The following CASP1 variants were observed in gnomAD, a reference collection of about 807,000 sequenced individuals.
CASP1 encodes the protein caspase-1.
A neutral mutation model predicts 41.2 loss-of-function variants in CASP1; 31 were observed. The ratio of observed to expected loss-of-function variants is 0.75; its 90% CI spans 0.57 to 1.02. The LOEUF is 1.02. Among genes scored for constraint, CASP1 ranks in the 50% least tolerant of loss-of-function variants. CASP1 has a pLI of 0.00. For synonymous variants in CASP1, 163 were observed against 166.5 expected (o/e 0.98, Z 0.16); for missense variants, 490 against 495.7 (o/e 0.99, Z 0.11).
chr11:105,029,103 T>G (rs1863503475), intron 7 of CASP1, 21 bp downstream of exon 7: 4 of 1,606,308 alleles, frequency 2.5e-6, no homozygotes, highest in Non-Finnish European at 3.4e-6. Context: ...AACAAAGATG[T>G]CCTGTGTAGA....
chr11:105,025,537 C>G lies in CASP1; in HGVS notation c.*721G>C, dbSNP rs1340620379. 1 of 422,442 alleles carries G rather than the reference C, an allele frequency of 2.4e-6. No individual in the cohort carries two copies. The highest frequency in any genetic ancestry group is 3.0e-5 in the Admixed American group (1 of 33,554). The allele number at this position is 422,442 out of a possible 1,614,324, so 26.2% of individuals were successfully genotyped here. On this transcript the variant is annotated 3_prime_UTR_variant, in exon 9 of 9. Coordinates refer to ENST00000533400, the MANE Select transcript of CASP1 (RefSeq NM_001257118.3). Reference sequence around the variant, plus strand: ...CATTTTTCTACCAGATTTATTATTTCAAAAAAGTTTATTATTCAGCAGACA... The same window carrying G: ...CATTTTTCTACCAGATTTATTATTTGAAAAAAGTTTATTATTCAGCAGACA...
At position 105,025,595 on chromosome 11, in the gene CASP1, C is replaced by T. The variant is rs1187289415; in HGVS notation, c.*663G>A. 2 of 412,262 alleles carry T rather than the reference C, an allele frequency of 4.9e-6. No individual in the cohort carries two copies. Among genetic ancestry groups the T allele is most frequent in the Non-Finnish European group, 9.4e-6 (2 of 211,880 alleles). 25.5% of individuals were successfully genotyped at this position (412,262 alleles called of 1,614,324 possible). A position where few individuals can be genotyped will look rare whatever the true frequency, so the allele number is the denominator to read the frequency against. ...AAAAACCTTTACAGAAGGATCTCTTCACTTCCTATGAGAAAAAGAAATAAT... is the reference window on the plus strand; with the variant it reads ...AAAAACCTTTACAGAAGGATCTCTTTACTTCCTATGAGAAAAAGAAATAAT... On this transcript the variant is annotated 3_prime_UTR_variant, in exon 9 of 9. Transcript: ENST00000533400.
upstream of CASP1, among the ~76,000 whole-genome samples, chr11:105,035,772 T>G (rs1193409709): frequency 6.6e-6 from 1 of 152,030 alleles, no homozygotes. Context: ...CATGCCACCA[T>G]GGCCAGCTAA....
intron 1 of CASP1, 37 bp from the exon 2 acceptor site, chr11:105,034,511 C>T: frequency 1.2e-6 from 2 of 1,611,650 alleles, no homozygotes; most frequent in Non-Finnish European, 1.7e-6. Flanking sequence ...ATCATGAAAA[C>T]AGCCTCATAT....
chr11:105,029,781 G>A lies in CASP1; in HGVS notation c.746C>T (p.Ser249Phe). The change falls in exon 6 of 9, where the codon TCT (serine) becomes TTT (phenylalanine). Residue 249 changes from serine to phenylalanine, a missense_variant. Transcript: ENST00000533400. ...TTGTAGTATATCTGGGACTTGCTCA[G>A]AGTGTTTCTTCCCACAAATGCCTTC... ...IREGICGKKH[S>F]EQVPDILQLN... 6.2e-7 allele frequency: 1 copy of A among 1,613,570 alleles called. No individual in the cohort carries two copies. Among genetic ancestry groups the A allele is most frequent in the African/African-American group, 1.3e-5 (1 of 75,000 alleles).
chr11:105,029,620 G>C (rs1252108177), intron 6 of CASP1, 45 bp downstream of exon 6: 9 of 1,396,668 alleles, frequency 6.4e-6, no homozygotes, highest in Non-Finnish European at 9.1e-6. Context: ...TACAGAGTAG[G>C]ATAGTATTTG....
intron 1 of CASP1, 128 bp from the exon 2 acceptor site, chr11:105,034,602 C>G (rs1020664420): frequency 8.0e-5 from 115 of 1,430,648 alleles, no homozygotes; most frequent in Non-Finnish European, 1.9e-5. Context: ...TGGGTAATCC[C>G]TCTTCTTACT....
At chr11:105,033,505 A>G (rs1863823443) in intron 2 of CASP1, among the ~76,000 whole-genome samples, 1 of 152,134 alleles carries the variant, frequency 6.6e-6, no homozygotes, top group Admixed American at 6.5e-5. Flanking sequence ...CATCCTCACC[A>G]CGTGGTAGGT....
intron 4 of CASP1, 110 bp downstream of exon 4, chr11:105,031,055 T>G: frequency 1.5e-6 from 1 of 668,518 alleles, no homozygotes. Context: ...AGAAGTATGA[T>G]TCTCCAGAAC....
Position 105,029,174 on chromosome 11 carries a change from T to C in CASP1, c.956A>G (p.Lys319Arg), listed in dbSNP as rs61751523. Residue 319 changes from lysine (K) to arginine (R), a missense_variant, in exon 7 of 9, where the codon AAG (lysine) becomes AGG (arginine). Transcript: ENST00000533400. ...AAAATCCTTCTCTATGTGGGCTTTC[T>C]TAATAGCATCATCCTCAAACTCTTC... ...TTEEFEDDAI[K>R]KAHIEKDFIA... 26,089 of 1,613,270 alleles carry C rather than the reference T, an allele frequency of 0.016. 515 individuals are homozygous for C. The highest frequency in any genetic ancestry group is 0.092 in the African/African-American group (6,921 of 74,952).
rs753190191 is a variant in CASP1, at chr11:105,026,089, T to C, written c.*169A>G. The C allele has an allele frequency of 3.8e-6, 2 of 529,772 alleles. No homozygotes were observed. The highest frequency in any genetic ancestry group is 6.7e-6 in the Non-Finnish European group (2 of 296,462). The allele number at this position is 529,772 out of a possible 1,614,324, so 32.8% of individuals were successfully genotyped here. On this transcript the variant is annotated 3_prime_UTR_variant, in exon 9 of 9. Coordinates refer to ENST00000533400, the MANE Select transcript of CASP1 (RefSeq NM_001257118.3). ...GAATATCATGTGGGCGCTCACACAG[T>C]GTTGGATTTTAGAGCATTTCAAAAT...
At chr11:105,032,169 A>C (rs559564429) in intron 3 of CASP1, among the ~76,000 whole-genome samples, 1 of 152,322 alleles carries the variant, frequency 6.6e-6, no homozygotes, top group African/African-American at 2.4e-5. Flanking sequence ...AATCAGTTAG[A>C]TAAACAAAGG....
rs1565404236 is a variant in CASP1, at chr11:105,029,690, C to A, written c.837G>T (p.Val279=). The A allele has an allele frequency of 6.2e-7, 1 of 1,613,448 alleles. No homozygotes were observed. Among genetic ancestry groups the A allele is most frequent in the Non-Finnish European group, 8.5e-7 (1 of 1,179,566 alleles). ...NCPSLKDKPK[V]IIIQACRGDS... ...CACCACGGCAGGCCTGGATGATGAT[C>A]ACCTTCGGTTTGTCCTTCAAACTTG... The change falls in exon 6 of 9, where the codon GTG becomes GTT. Residue 279 remains valine, a synonymous_variant. Transcript: ENST00000533400.
At chr11:105,035,033 G>T (rs1390710109) in intron 1 of CASP1, 74 bp downstream of exon 1, 7 of 1,588,356 alleles carry the variant, frequency 4.4e-6, no homozygotes, top group Non-Finnish European at 5.2e-6. Flanking sequence ...GCTAATTATG[G>T]CTTCCAGAAG....
At chr11:105,030,571 T>C (rs1023648935) in intron 4 of CASP1, 68 bp from the exon 5 acceptor site, 5 of 1,397,316 alleles carry the variant, frequency 3.6e-6, no homozygotes, top group Non-Finnish European at 5.0e-6. Context: ...TCCTGGTTTA[T>C]GACAGCTTCC....
At chr11:105,031,140 TA>T in intron 4 of CASP1, 24 bp downstream of exon 4, 1 of 1,349,086 alleles carries the variant, frequency 7.4e-7, no homozygotes, top group African/African-American at 1.4e-5. Flanking sequence ...CACCCCACTC[TA>T]TCCTTGGGTT....
chr11:105,034,069 G>T, intron 2 of CASP1, 139 bp downstream of exon 2: 2 of 1,383,418 alleles, frequency 1.4e-6, no homozygotes, highest in Non-Finnish European at 2.0e-6. Context: ...ACATGCAATA[G>T]GGACCCTGCT....
At position 105,029,861 on chromosome 11, in the gene CASP1, TG is replaced by T; in HGVS notation, c.665del (p.Pro222GlnfsTer44). 6.2e-7 allele frequency: 1 copy of T among 1,613,802 alleles called. No individual in the cohort carries two copies. Among genetic ancestry groups the T allele is most frequent in the East Asian group, 2.2e-5 (1 of 44,872 alleles). ...TTELEAFAHRPEHKTSDSTFL... is the reference protein window; with the variant it reads ...TTELEAFAHRXEHKTSDSTFL... ...ACGTGCTGTCAGAGGTCTTGTGCTC[TG>T]GGCGGTGTGCAAATGCCTCCAGCTC... On this transcript the variant is annotated frameshift_variant, in exon 6 of 9. Transcript: ENST00000533400. LOFTEE classifies it high-confidence loss of function.
chr11:105,027,338 CATAAAAGATTAATCGAAATTAA>C (rs139107575), intron 7 of CASP1, among the ~76,000 whole-genome samples: 8,851 of 151,966 alleles, frequency 0.058, 783 homozygotes, highest in African/African-American at 0.2. Flanking sequence ...TTATGTACTT[CATAAAAGATTAATCGAAATTAA>C]ATAACATTGA....
Sources: allele counts gnomAD v4.1 joint callset (sites outside exome capture counted in the v4.1 genomes callset), GRCh38; gene constraint gnomAD v4.1.1; transcripts MANE v1.5; gene names NCBI Gene and HGNC (gene_info 2026-07-23, HGNC 2026-07-21).